The following FREM1 variants were observed in gnomAD, a reference collection of about 807,000 sequenced individuals.
FREM1 encodes the protein FRAS1 related extracellular matrix 1.
Under a neutral mutation model 210.1 loss-of-function variants are expected in FREM1, and 220 were observed. That is an observed-to-expected ratio of 1.05 (90% CI 0.94 to 1.17). FREM1 has a LOEUF of 1.17. Ranked by LOEUF, FREM1 falls within the 50% of genes most tolerant of loss-of-function variation. The pLI is 0.00. For missense variants in FREM1, 3,454 were observed against 2,675.5 expected (o/e 1.29, Z -6.42); for synonymous variants, 1,189 against 980.2 (o/e 1.21, Z -3.98).
At chr9:14,902,468 A>C (rs1486669574) in intron 1 of FREM1, among the ~76,000 whole-genome samples, 2 of 152,218 alleles carry the variant, frequency 1.3e-5, no homozygotes. Context: ...GGACTGGCAC[A>C]AAAGCAACTT....
At chr9:14,796,944 T>A (rs1418341957) in intron 21 of FREM1, among the ~76,000 whole-genome samples, 4 of 152,218 alleles carry the variant, frequency 2.6e-5, no homozygotes, top group Non-Finnish European at 4.4e-5. Context: ...TCGCTCAGAA[T>A]TTTAGAAAAT....
At position 14,888,768 on chromosome 9, in the gene FREM1, T is replaced by C. The variant is rs143523867; in HGVS notation, c.-267-19524A>G. ...AATCCATAACCTACATCACACAATG[T>C]ATGATTTTAGGAGAAACTTTAGAAA... is the stretch of plus-strand genomic sequence containing the variant. On this transcript the variant is annotated intron_variant, in intron 1 of 36. Transcript: ENST00000380880. Among the ~76,000 whole-genome samples the C allele has an allele frequency of 4.1e-3, 632 of 152,356 alleles. 4 individuals carry two copies. The highest frequency in any genetic ancestry group is 0.015 in the African/African-American group (605 of 41,590).
At chr9:14,829,987 G>A (rs1179538319) in intron 10 of FREM1, among the ~76,000 whole-genome samples, 2 of 152,152 alleles carry the variant, frequency 1.3e-5, no homozygotes, top group Non-Finnish European at 2.9e-5. Context: ...TGGGTGAAGT[G>A]GAAGGGAGAA....
At chr9:14,895,800 C>A (rs1275038321) in intron 1 of FREM1, among the ~76,000 whole-genome samples, 3 of 151,952 alleles carry the variant, frequency 2.0e-5, no homozygotes, top group African/African-American at 7.2e-5. Context: ...TACCCAAATA[C>A]AAGAGATCCT....
rs1370661158 is a variant in FREM1 at position 14,747,246 on chromosome 9, G to A, written c.6009+18C>T. ...AACTTGTTATAAGGTGAGTAAGAAG[G>A]AACAAAGATTTTCATACCTGTCTGG... On this transcript the variant is annotated intron_variant, in intron 33 of 36. Transcript: ENST00000380880. 5.0e-6 allele frequency: 8 copies of A among 1,606,522 alleles called. No homozygotes were observed. The highest frequency in any genetic ancestry group is 6.8e-6 in the Non-Finnish European group (8 of 1,176,250).
intron 5 of FREM1, among the ~76,000 whole-genome samples, chr9:14,852,405 G>C (rs1446579992): frequency 1.3e-5 from 2 of 152,160 alleles, no homozygotes; most frequent in East Asian, 3.9e-4. Flanking sequence ...AATCCTCACA[G>C]GGTGAGGTGT....
chr9:14,746,525 T>A, intron 34 of FREM1, 57 bp from the exon 35 acceptor site: 1 of 1,389,532 alleles, frequency 7.2e-7, no homozygotes, highest in Non-Finnish European at 1.0e-6. Context: ...TGGAGTTGGT[T>A]CAGCATAAGG....
chr9:14,808,867 C>T (rs951051048), intron 16 of FREM1, among the ~76,000 whole-genome samples: 2 of 152,118 alleles, frequency 1.3e-5, no homozygotes, highest in African/African-American at 4.8e-5. Context: ...CTTGGGTTAC[C>T]CACTAAGAGC....
chr9:14,853,497 A>G (rs368030028), intron 5 of FREM1, among the ~76,000 whole-genome samples: 6 of 152,182 alleles, frequency 3.9e-5, no homozygotes, highest in African/African-American at 1.4e-4. Context: ...CTCCAGAGAA[A>G]CCATAAATTT....
chr9:14,762,009 G>A (rs1845584963), intron 27 of FREM1, among the ~76,000 whole-genome samples: 1 of 152,206 alleles, frequency 6.6e-6, no homozygotes, highest in South Asian at 2.1e-4. Flanking sequence ...AAAGCACAGT[G>A]TACATAGGGT....
chr9:14,837,995 C>G (rs1382050547), intron 10 of FREM1, among the ~76,000 whole-genome samples: 1 of 152,106 alleles, frequency 6.6e-6, no homozygotes, highest in Non-Finnish European at 1.5e-5. Context: ...TCCCAATGTT[C>G]AGAGAAAAAA....
At chr9:14,763,729 C>A (rs1018508893) in intron 27 of FREM1, among the ~76,000 whole-genome samples, 2 of 152,162 alleles carry the variant, frequency 1.3e-5, no homozygotes, top group Non-Finnish European at 2.9e-5. Flanking sequence ...TTGCTGATCC[C>A]CCTGCTCCTG....
chr9:14,827,341 G>C (rs1230319979), intron 10 of FREM1, among the ~76,000 whole-genome samples: 5 of 152,334 alleles, frequency 3.3e-5, no homozygotes, highest in Middle Eastern at 3.4e-3. Flanking sequence ...CAAAGAACTT[G>C]GCTAAATGGT....
intron 10 of FREM1, among the ~76,000 whole-genome samples, chr9:14,825,381 G>A (rs1187978091): frequency 3.3e-5 from 5 of 150,372 alleles, no homozygotes; most frequent in South Asian, 2.1e-4. Flanking sequence ...CCAGCTACTC[G>A]GCAGGCTGAG....
intron 20 of FREM1, 28 bp downstream of exon 20, chr9:14,801,624 A>G: frequency 6.9e-7 from 1 of 1,444,348 alleles, no homozygotes; most frequent in Non-Finnish European, 9.7e-7. Context: ...CAACAATAAC[A>G]AATGCATGGA....
At chr9:14,904,237 T>C (rs1261048065) in intron 1 of FREM1, among the ~76,000 whole-genome samples, 1 of 152,100 alleles carries the variant, frequency 6.6e-6, no homozygotes, top group African/African-American at 2.4e-5. Flanking sequence ...ATTTTCTCAT[T>C]AGAAATATTT....
Position 14,863,844 on chromosome 9 carries a change from A to G in FREM1, c.294T>C (p.Ile98=), listed in dbSNP as rs770513298. The G allele has an allele frequency of 2.5e-6, 4 of 1,613,412 alleles. No individual in the cohort carries two copies. The Admixed American group carries it at 6.7e-5, about 27-fold the overall frequency. The change falls in exon 3 of 37, where the codon ATT becomes ATC. Residue 98 remains isoleucine (I), a synonymous_variant. Coordinates refer to ENST00000380880, the MANE Select transcript of FREM1 (RefSeq NM_001379081.2). ...TGAGCTTCACTGTGTCTTCATCAAG[A>G]ATTGGACAACCATTGTGAACATACT... ...EVKYVHNGCP[I]LDEDTVKLRL...
At chr9:14,872,854 A>G (rs1403244964) in intron 1 of FREM1, among the ~76,000 whole-genome samples, 10 of 152,102 alleles carry the variant, frequency 6.6e-5, no homozygotes, top group African/African-American at 2.2e-4. Context: ...TCAATACCTA[A>G]TTTATTGAGA....
At chr9:14,760,241 G>A (rs1015331168) in intron 27 of FREM1, among the ~76,000 whole-genome samples, 1 of 152,216 alleles carries the variant, frequency 6.6e-6, no homozygotes, top group Non-Finnish European at 1.5e-5. Context: ...ACCAGCAGTT[G>A]TTAAGTTCAA....
Sources: gnomAD v4.1 joint callset for allele counts (sites outside exome capture counted in the v4.1 genomes callset) on GRCh38, gnomAD v4.1.1 for gene constraint, MANE v1.5 for transcripts, NCBI Gene and HGNC (gene_info 2026-07-23, HGNC 2026-07-21) for gene names.